CMIP: variants seen among roughly 807,000 people sequenced by gnomAD.
CMIP encodes c-Maf inducing protein.
In CMIP, 13 loss-of-function variants were observed where a neutral mutation model predicts 97.3. That is an observed-to-expected ratio of 0.13 (90% CI 0.09 to 0.21). The LOEUF is 0.21. CMIP is among the 10% of genes least tolerant of loss of function. The pLI is 1.00. For missense variants in CMIP, 847 were observed against 1,024.9 expected, an observed-to-expected ratio of 0.83 and a Z score of 2.37; for synonymous variants, 538 against 436.3, an observed-to-expected ratio of 1.23 and a Z score of -2.91.
At chr16:81,623,143 G>T (rs980005192) in intron 3 of CMIP, among the ~76,000 whole-genome samples, 5 of 152,172 alleles carry the variant, frequency 3.3e-5, no homozygotes, top group Middle Eastern at 3.2e-3. Context: ...GATGGAGGTT[G>T]TAGTGAGCCA....
intron 1 of CMIP, among the ~76,000 whole-genome samples, chr16:81,524,775 A>C (rs1160197023): frequency 6.6e-6 from 1 of 151,170 alleles, no homozygotes; most frequent in African/African-American, 2.4e-5. Context: ...TTCTGCAGGG[A>C]GCATTTTTAT....
At chr16:81,597,706 G>T (rs1293122235) in intron 1 of CMIP, among the ~76,000 whole-genome samples, 1 of 152,162 alleles carries the variant, frequency 6.6e-6, no homozygotes, top group Non-Finnish European at 1.5e-5. Flanking sequence ...GCTTGGGCCA[G>T]TTCCCCCATT....
intron 1 of CMIP, among the ~76,000 whole-genome samples, chr16:81,498,156 A>G (rs1480071280): frequency 1.3e-5 from 2 of 152,220 alleles, no homozygotes; most frequent in Admixed American, 6.5e-5. Context: ...CTCTGGGCAG[A>G]TGTTTTAACC....
chr16:81,594,564 T>C (rs796531586), intron 1 of CMIP, among the ~76,000 whole-genome samples: 2 of 152,274 alleles, frequency 1.3e-5, no homozygotes, highest in African/African-American at 4.8e-5. Flanking sequence ...CTAAATCCTA[T>C]ATACACTGTG....
rs1220075462 is a variant in CMIP, at chr16:81,653,305, C to T, written c.639+941C>T. Among the ~76,000 whole-genome samples the T allele has an allele frequency of 2.0e-5, 3 of 152,216 alleles. 1 individual carries two copies. The highest frequency in any genetic ancestry group is 3.8e-4 in the East Asian group (2 of 5,196). On this transcript the variant is annotated intron_variant, in intron 4 of 20. Coordinates refer to ENST00000537098, the MANE Select transcript of CMIP (RefSeq NM_198390.3). ...CAAGTGCCTGGCTGCCTGGAGCCCT[C>T]CCCTTTCTCTGCAGGCCCACACTGG...
chr16:81,488,422 G>A (rs558979823), intron 1 of CMIP, among the ~76,000 whole-genome samples: 18 of 152,288 alleles, frequency 1.2e-4, no homozygotes, highest in African/African-American at 4.3e-4. Context: ...TGAGTAATAC[G>A]TATGAAGTGC....
At chr16:81,608,031 G>A (rs1252598536) in intron 2 of CMIP, among the ~76,000 whole-genome samples, 2 of 152,216 alleles carry the variant, frequency 1.3e-5, no homozygotes, top group Non-Finnish European at 2.9e-5. Context: ...TTAGGCCCAA[G>A]AAGGCCGTGA....
At chr16:81,588,116 A>G (rs2091411967) in intron 1 of CMIP, among the ~76,000 whole-genome samples, 1 of 152,130 alleles carries the variant, frequency 6.6e-6, no homozygotes, top group Non-Finnish European at 1.5e-5. Context: ...CACTGTGTGG[A>G]AGGAGGCAAT....
In CMIP at chr16:81,520,956, C is replaced by T. The variant is rs751717457; in HGVS notation, c.300+75415C>T. Among the ~76,000 whole-genome samples the T allele has an allele frequency of 9.8e-5, 15 of 152,296 alleles. 1 individual carries two copies. In the Middle Eastern group the frequency reaches 0.01, roughly 104 times the overall value. The stretch of plus-strand genomic sequence containing the variant: ...ATTGTGGGGAGCTCCCTGGGTTTCG[C>T]ATCCTCTTTAAATTAGCGGTGGCAT... On this transcript the variant is annotated intron_variant, in intron 1 of 20. Transcript: ENST00000537098.
chr16:81,497,972 T>C (rs1272302786), intron 1 of CMIP, among the ~76,000 whole-genome samples: 1 of 152,268 alleles, frequency 6.6e-6, no homozygotes, highest in East Asian at 1.9e-4. Context: ...CCTTATTTTA[T>C]TCCTCTTCCG....
At chr16:81,623,380 T>G (rs1176411075) in intron 3 of CMIP, among the ~76,000 whole-genome samples, 2 of 152,158 alleles carry the variant, frequency 1.3e-5, no homozygotes, top group East Asian at 1.9e-4. Context: ...TTTAAAAAAT[T>G]TTCAGAAAAC....
At chr16:81,544,166 C>T (rs1044042371) in intron 1 of CMIP, among the ~76,000 whole-genome samples, 1 of 152,190 alleles carries the variant, frequency 6.6e-6, no homozygotes, top group Admixed American at 6.5e-5. Flanking sequence ...TTGTGGGGTT[C>T]CACATGCACC....
chr16:81,700,644 C>A lies in CMIP; in HGVS notation c.1755+843C>A, dbSNP rs181742630. 3.7e-3 allele frequency: 569 copies of A among 152,734 alleles called. 2 individuals carry two copies. The highest frequency in any genetic ancestry group is 0.01 in the Middle Eastern group (3 of 296). The allele number at this position is 152,734 out of a possible 1,614,324, so 9.5% of individuals were successfully genotyped here. ...GAAGAGTTGGCAGGCGCAGCAAAGC[C>A]ATGGGAGCTCCCGTGGAAATGAGAG... On this transcript the variant is annotated intron_variant, in intron 15 of 20. Transcript: ENST00000537098.
intron 1 of CMIP, among the ~76,000 whole-genome samples, chr16:81,603,246 G>C (rs148800967): frequency 2.6e-5 from 4 of 151,796 alleles, no homozygotes; most frequent in African/African-American, 9.7e-5. Flanking sequence ...CGCCTGGCTC[G>C]TTTTTTTAGT....
At chr16:81,674,501 C>G (rs964523383) in intron 9 of CMIP, among the ~76,000 whole-genome samples, 3 of 152,164 alleles carry the variant, frequency 2.0e-5, no homozygotes, top group Non-Finnish European at 4.4e-5. Context: ...CACATCCCTT[C>G]CCAGTTCTGT....
intron 1 of CMIP, among the ~76,000 whole-genome samples, chr16:81,474,471 G>C (rs906938464): frequency 1.3e-5 from 2 of 152,124 alleles, no homozygotes; most frequent in Non-Finnish European, 2.9e-5. Context: ...CACTACTTCT[G>C]CTTCATGTGA....
At chr16:81,644,359 G>T (rs538766835) in intron 3 of CMIP, among the ~76,000 whole-genome samples, 4 of 152,322 alleles carry the variant, frequency 2.6e-5, no homozygotes, top group Admixed American at 6.5e-5. Context: ...TAGCAGGCAT[G>T]GGGAATAAGG....
chr16:81,695,391 A>T (rs1168275193), intron 13 of CMIP: 2 of 152,204 alleles, frequency 1.3e-5, no homozygotes, highest in African/African-American at 4.8e-5. Context: ...AACCCTTGAT[A>T]TTCTTCCAGC....
chr16:81,598,852 C>T (rs979140416), intron 1 of CMIP, among the ~76,000 whole-genome samples: 2 of 151,416 alleles, frequency 1.3e-5, no homozygotes, highest in African/African-American at 2.4e-5. Context: ...GCCTATAATC[C>T]CAGCTACTTG....
Sources: gnomAD v4.1 joint callset for allele counts (sites outside exome capture counted in the v4.1 genomes callset) on GRCh38, gnomAD v4.1.1 for gene constraint, MANE v1.5 for transcripts, NCBI Gene and HGNC (gene_info 2026-07-23, HGNC 2026-07-21) for gene names.